The following SAMSN1 variants were observed in gnomAD, a reference collection of about 807,000 sequenced individuals.
SAMSN1 encodes SAM domain, SH3 domain and nuclear localization signals 1, also known as SAM domain-containing protein SAMSN-1.
A neutral mutation model predicts 42.0 loss-of-function variants in SAMSN1; 31 were observed. That is an observed-to-expected ratio of 0.74 (90% CI 0.55 to 1.00). The LOEUF is 1.00. Among genes scored for constraint, SAMSN1 ranks in the 50% least tolerant of loss-of-function variants. SAMSN1 has a pLI of 0.00. For missense variants in SAMSN1, 464 were observed against 439.4 expected (o/e 1.06, Z -0.50); for synonymous variants, 178 against 151.9 (o/e 1.17, Z -1.26).
chr21:14,609,238 A>C (rs1982641568), intron 5 of SAMSN1, among the ~76,000 whole-genome samples: 1 of 152,168 alleles, frequency 6.6e-6, no homozygotes, highest in African/African-American at 2.4e-5. Flanking sequence ...AGGCAACTTA[A>C]CCAGATTCCA....
At chr21:14,509,331 T>C (rs1293661212) in intron 5 of SAMSN1, among the ~76,000 whole-genome samples, 1 of 152,118 alleles carries the variant, frequency 6.6e-6, no homozygotes, top group Non-Finnish European at 1.5e-5. Flanking sequence ...ATGTTCTCAC[T>C]CATAAGCAAG....
intron 2 of SAMSN1, among the ~76,000 whole-genome samples, chr21:14,632,356 T>C (rs903922135): frequency 5.9e-5 from 9 of 152,204 alleles, no homozygotes; most frequent in African/African-American, 2.2e-4. Flanking sequence ...CATTCATTTG[T>C]ATATCTGCAA....
chr21:14,557,924 C>T (rs1473569522), intron 2 of SAMSN1, among the ~76,000 whole-genome samples: 2 of 152,176 alleles, frequency 1.3e-5, no homozygotes, highest in Non-Finnish European at 2.9e-5. Context: ...GCCTGCTTTC[C>T]TTCAGGCCAC....
At chr21:14,582,202 G>A (rs985716497) in exon 2 of SAMSN1, 1 of 1,550,530 alleles carries the variant, frequency 6.4e-7, no homozygotes, top group South Asian at 1.2e-5. Context: ...TACAAGAGGA[G>A]CAGTGGTCCC....
At chr21:14,491,407 C>T (rs558249217) in intron 7 of SAMSN1, among the ~76,000 whole-genome samples, 1 of 152,244 alleles carries the variant, frequency 6.6e-6, no homozygotes, top group South Asian at 2.1e-4. Flanking sequence ...CATGCCTAGT[C>T]TGACTTTCCT....
chr21:14,518,314 C>T (rs1413262246), intron 2 of SAMSN1, among the ~76,000 whole-genome samples: 2 of 152,172 alleles, frequency 1.3e-5, no homozygotes, highest in African/African-American at 4.8e-5. Flanking sequence ...TCTGCGTCTC[C>T]CACTATGATG....
At chr21:14,618,828 A>AACTT (rs1982926209) in intron 2 of SAMSN1, among the ~76,000 whole-genome samples, 1 of 152,130 alleles carries the variant, frequency 6.6e-6, no homozygotes, top group East Asian at 1.9e-4. Context: ...TGCTGGGTAA[A>AACTT]ACTTACTCCT....
chr21:14,627,795 C>T (rs1409844739), intron 2 of SAMSN1, among the ~76,000 whole-genome samples: 1 of 152,168 alleles, frequency 6.6e-6, no homozygotes, highest in Admixed American at 6.6e-5. Flanking sequence ...CTGCGAGCTT[C>T]TCAGGGCATA....
intron 1 of SAMSN1, among the ~76,000 whole-genome samples, chr21:14,542,260 A>T (rs990249029): frequency 6.6e-6 from 1 of 152,242 alleles, no homozygotes; most frequent in Non-Finnish European, 1.5e-5. Context: ...GCAGTATATT[A>T]AGAACAGAAG....
intron 1 of SAMSN1, among the ~76,000 whole-genome samples, chr21:14,543,222 G>T (rs1980156163): frequency 6.6e-6 from 1 of 152,068 alleles, no homozygotes; most frequent in African/African-American, 2.4e-5. Flanking sequence ...TCTGGTCTCT[G>T]CCTCTCAGCC....
chr21:14,638,539 T>C (rs1292699707), intron 2 of SAMSN1, among the ~76,000 whole-genome samples: 1 of 152,186 alleles, frequency 6.6e-6, no homozygotes, highest in Non-Finnish European at 1.5e-5. Flanking sequence ...TTATTTTTGT[T>C]TCTGTTTTTA....
intron 1 of SAMSN1, among the ~76,000 whole-genome samples, chr21:14,535,395 G>C (rs1202332243): frequency 6.6e-6 from 1 of 152,042 alleles, no homozygotes; most frequent in African/African-American, 2.4e-5. Context: ...TCAAATGTGG[G>C]GCTGGCAGCA....
chr21:14,577,233 TG>T (rs1981503663), intron 2 of SAMSN1, among the ~76,000 whole-genome samples: 1 of 21,766 alleles, frequency 4.6e-5, no homozygotes, highest in Non-Finnish European at 6.3e-5. Context: ...TTTATATATA[TG>T]TGTGTATATA....
intron 2 of SAMSN1, among the ~76,000 whole-genome samples, chr21:14,567,208 G>GT (rs1396181729): frequency 1.3e-5 from 2 of 150,872 alleles, no homozygotes; most frequent in Non-Finnish European, 2.9e-5. Flanking sequence ...GAAAATAACA[G>GT]TAAAGAACAT....
rs867989867 is a variant in SAMSN1 at position 14,516,950 on chromosome 21, G to A, written c.221C>T (p.Ser74Leu). The part of the protein sequence containing the change: ...GGLGKKMRAI[S>L]WTMKKKVGKK... ...ACCCACTTTTTTCTTCATTGTCCATGAAATAGCTCTCATTTTTTTACCCAA... is the reference window on the plus strand; with the variant it reads ...ACCCACTTTTTTCTTCATTGTCCATAAAATAGCTCTCATTTTTTTACCCAA... The change falls in exon 3 of 8, where the codon TCA becomes TTA. Residue 74 changes from serine to leucine, a missense_variant. By Grantham distance (145) the Ser-to-Leu change is moderately radical. Coordinates refer to ENST00000400566, the MANE Select transcript of SAMSN1 (RefSeq NM_022136.5). The A allele has an allele frequency of 6.2e-7, 1 of 1,613,176 alleles. No homozygotes were observed. Among genetic ancestry groups the A allele is most frequent in the Non-Finnish European group, 8.5e-7 (1 of 1,179,522 alleles).
chr21:14,513,593 A>C (rs1600880056), intron 3 of SAMSN1, among the ~76,000 whole-genome samples: 1 of 152,250 alleles, frequency 6.6e-6, no homozygotes, highest in East Asian at 1.9e-4. Flanking sequence ...GAGAATAGTA[A>C]GTGTTATGAA....
chr21:14,574,301 G>C (rs996023660), intron 2 of SAMSN1, among the ~76,000 whole-genome samples: 16 of 152,106 alleles, frequency 1.1e-4, no homozygotes, highest in African/African-American at 3.9e-4. Flanking sequence ...GATTATCATG[G>C]ATCTTATTTC....
chr21:14,600,688 G>T (rs1982405533), intron 6 of SAMSN1, among the ~76,000 whole-genome samples: 1 of 152,062 alleles, frequency 6.6e-6, no homozygotes, highest in African/African-American at 2.4e-5. Context: ...TTTCCTCTTG[G>T]CAGAAGGCAT....
intron 5 of SAMSN1, among the ~76,000 whole-genome samples, chr21:14,607,150 T>G (rs1487684261): frequency 6.6e-6 from 1 of 152,212 alleles, no homozygotes; most frequent in African/African-American, 2.4e-5. Context: ...AATAAAATCA[T>G]GTGGGTTGTG....
Sources: gnomAD v4.1 joint callset for allele counts (sites outside exome capture counted in the v4.1 genomes callset) on GRCh38, gnomAD v4.1.1 for gene constraint, MANE v1.5 for transcripts, NCBI Gene and HGNC (gene_info 2026-07-23, HGNC 2026-07-21) for gene names.